ADGRL2: variants seen among roughly 807,000 people sequenced by gnomAD.
ADGRL2 encodes adhesion G protein-coupled receptor L2, also known as calcium-independent alpha-latrotoxin receptor 2.
ADGRL2 carries 44 observed loss-of-function variants against 157.4 expected under a neutral mutation model. The ratio of observed to expected loss-of-function variants is 0.28; its 90% CI spans 0.22 to 0.36. The LOEUF is 0.36. ADGRL2 is among the 10% of genes least tolerant of loss of function. ADGRL2 has a pLI of 1.00. For synonymous variants in ADGRL2, 585 were observed against 624.7 expected (o/e 0.94, Z 0.95); for missense variants, 1,510 against 1,768.9 (o/e 0.85, Z 2.63).
intron 3 of ADGRL2, among the ~76,000 whole-genome samples, chr1:81,608,671 G>A (rs942396801): frequency 1.7e-4 from 26 of 152,078 alleles, no homozygotes; most frequent in Non-Finnish European, 3.2e-4. Flanking sequence ...CTCAGGGCCA[G>A]TGTTCCAAAA....
intron 3 of ADGRL2, among the ~76,000 whole-genome samples, chr1:81,918,734 T>C (rs897813203): frequency 8.5e-5 from 13 of 152,138 alleles, no homozygotes; most frequent in African/African-American, 3.1e-4. Flanking sequence ...GAAAGTAAAC[T>C]GAAATTTTTA....
At chr1:81,579,136 T>G (rs1206498350) in intron 2 of ADGRL2, among the ~76,000 whole-genome samples, 1 of 152,150 alleles carries the variant, frequency 6.6e-6, no homozygotes, top group Non-Finnish European at 1.5e-5. Context: ...CTGAAAGTGC[T>G]CAAATTCCAC....
At chr1:81,746,498 C>T (rs1371888304) in intron 1 of ADGRL2, among the ~76,000 whole-genome samples, 1 of 152,170 alleles carries the variant, frequency 6.6e-6, no homozygotes, top group South Asian at 2.1e-4. Flanking sequence ...CCATGTTGCC[C>T]AGGCTGGTCT....
intron 3 of ADGRL2, among the ~76,000 whole-genome samples, chr1:81,670,865 A>G (rs2082860831): frequency 6.6e-6 from 1 of 152,088 alleles, no homozygotes; most frequent in South Asian, 2.1e-4. Context: ...ACACGCCACC[A>G]TGTCCAGCTA....
At chr1:81,893,964 A>G (rs940012887) in intron 2 of ADGRL2, among the ~76,000 whole-genome samples, 3 of 152,212 alleles carry the variant, frequency 2.0e-5, no homozygotes, top group African/African-American at 7.2e-5. Flanking sequence ...AAGTCATTAC[A>G]TTGTCATTTA....
chr1:81,801,409 C>T (rs1346926701), intron 1 of ADGRL2, among the ~76,000 whole-genome samples: 2 of 152,138 alleles, frequency 1.3e-5, no homozygotes, highest in African/African-American at 4.8e-5. Flanking sequence ...TCGCATTCCC[C>T]CGTCTCTCTC....
intron 3 of ADGRL2, among the ~76,000 whole-genome samples, chr1:81,616,379 A>C (rs529413970): frequency 6.6e-6 from 1 of 152,272 alleles, no homozygotes; most frequent in African/African-American, 2.4e-5. Context: ...GAGTTCATCC[A>C]CCATATTTGG....
chr1:81,502,802 C>G, intron 2 of ADGRL2: 1 of 1,612,812 alleles, frequency 6.2e-7, no homozygotes, highest in Non-Finnish European at 8.5e-7. Flanking sequence ...TTTGGCTACT[C>G]ACCTGCTGCG....
intron 9 of ADGRL2, 38 bp downstream of exon 9, chr1:81,952,180 T>G (rs1652049189): frequency 2.0e-6 from 3 of 1,508,958 alleles, no homozygotes; most frequent in Non-Finnish European, 9.0e-7. Flanking sequence ...ATTAGACACT[T>G]GGTATGGCAG....
chr1:81,584,614 T>C (rs2080985989), intron 3 of ADGRL2, among the ~76,000 whole-genome samples: 1 of 152,158 alleles, frequency 6.6e-6, no homozygotes, highest in South Asian at 2.1e-4. Flanking sequence ...CTGTTTATAT[T>C]TTTTGGCAAT....
intron 2 of ADGRL2, among the ~76,000 whole-genome samples, chr1:81,474,956 C>T (rs528383564): frequency 1.3e-5 from 2 of 152,214 alleles, no homozygotes; most frequent in South Asian, 4.1e-4. Flanking sequence ...AGTATAGTTC[C>T]TAACCTTTTC....
intron 1 of ADGRL2, among the ~76,000 whole-genome samples, chr1:81,746,826 T>TTA (rs1180403553): frequency 2.0e-5 from 3 of 150,840 alleles, no homozygotes; most frequent in Non-Finnish European, 3.0e-5. Flanking sequence ...CTAATTCAAA[T>TTA]TATATATATA....
Position 81,951,069 on chromosome 1 carries a change from G to A in ADGRL2, c.1556G>A (p.Gly519Asp). 6.2e-7 allele frequency: 1 copy of A among 1,613,508 alleles called. No homozygotes were observed. Among genetic ancestry groups the A allele is most frequent in the Non-Finnish European group, 8.5e-7 (1 of 1,179,568 alleles). ...TCCACTGGAACATGGAACCCTAAGG[G>A]CCCCGATCTTAGCAACTGTACCTCA... ...MISTGTWNPKGPDLSNCTSHW... is the reference protein window; with the variant it reads ...MISTGTWNPKDPDLSNCTSHW... Residue 519 changes from glycine to aspartate, a missense_variant, in exon 8 of 24, where the codon GGC (glycine) becomes GAC (aspartate). By Grantham distance (94) the Gly-to-Asp change is moderately conservative (BLOSUM62 -1). This residue lies in a region of ADGRL2 where 325 missense variants were observed against 333.2 expected (regional missense o/e 0.98). Transcript: ENST00000686636.
At chr1:81,983,530 T>C (rs1662244313) in intron 19 of ADGRL2, among the ~76,000 whole-genome samples, 1 of 152,136 alleles carries the variant, frequency 6.6e-6, no homozygotes, top group South Asian at 2.1e-4. Context: ...GTCAAAGTCA[T>C]GGTCTTTACA....
At chr1:81,530,055 G>A (rs17106643) in intron 2 of ADGRL2, among the ~76,000 whole-genome samples, 13,580 of 152,204 alleles carry the variant, frequency 0.089, 1,199 homozygotes, top group African/African-American at 0.23. Flanking sequence ...AGGGTTGAAT[G>A]CCAGGAACAG....
In ADGRL2 at chr1:81,970,480, C is replaced by A; in HGVS notation, c.2900C>A (p.Thr967Lys). The A allele has an allele frequency of 6.3e-7, 1 of 1,575,088 alleles. No individual in the cohort carries two copies. Residue 967 changes from threonine to lysine, a missense_variant, in exon 16 of 24, where the codon ACA (threonine) becomes AAA (lysine). Transcript: ENST00000686636. ...YYVAGYLFPA[T>K]VVGVSAAIDY... ...GTTGCTGGTTACTTGTTTCCTGCCA[C>A]AGTGGTTGGAGTTTCAGCTGCTATT...
chr1:81,731,620 G>C (rs2084725170), intron 1 of ADGRL2, among the ~76,000 whole-genome samples: 1 of 151,988 alleles, frequency 6.6e-6, no homozygotes, highest in African/African-American at 2.4e-5. Flanking sequence ...ACAGATGTGT[G>C]TATGTGCTTG....
intron 13 of ADGRL2, 95 bp from the exon 14 acceptor site, chr1:81,967,931 G>T (rs561506158): frequency 9.5e-7 from 1 of 1,053,652 alleles, no homozygotes; most frequent in Admixed American, 2.0e-5. Flanking sequence ...AACATGCAAA[G>T]TTTAATCTAA....
chr1:81,719,410 C>T (rs1007550156), intron 1 of ADGRL2, among the ~76,000 whole-genome samples: 4 of 152,138 alleles, frequency 2.6e-5, no homozygotes, highest in African/African-American at 7.2e-5. Context: ...TTTTTATCTT[C>T]GTCTACACAT....
Sources: allele counts gnomAD v4.1 joint callset (sites outside exome capture counted in the v4.1 genomes callset), GRCh38; gene constraint gnomAD v4.1.1; regional missense constraint gnomAD v4.1.1; transcripts MANE v1.5; gene names NCBI Gene and HGNC (gene_info 2026-07-23, HGNC 2026-07-21).